The following GREB1 variants were observed in gnomAD, a reference collection of about 807,000 sequenced individuals.
GREB1 encodes the protein growth regulating estrogen receptor binding 1.
GREB1 carries 106 observed loss-of-function variants against 200.7 expected under a neutral mutation model. That is an observed-to-expected ratio of 0.53 (90% confidence interval 0.45 to 0.62). The LOEUF (loss-of-function observed/expected upper bound fraction) is 0.62. Among genes scored for constraint, GREB1 ranks in the 20% least tolerant of loss-of-function variants. The pLI, the probability that GREB1 is intolerant of heterozygous loss-of-function variation, is 0.00. For missense variants in GREB1, 2,243 were observed against 2,556.8 expected, an observed-to-expected ratio of 0.88 and a Z score of 2.65; for synonymous variants, 1,132 against 1,092.4, an observed-to-expected ratio of 1.04 and a Z score of -0.72.
rs70955804 is a variant in GREB1 at position 11,519,449 on chromosome 2, G to GTTTTTTTTTTTT, written c.-158-36996_-158-36985dup. Among the ~76,000 whole-genome samples the GTTTTTTTTTTTT allele has an allele frequency of 3.9e-5, 3 of 76,974 alleles. 1 individual carries two copies. The highest frequency in any genetic ancestry group is 1.6e-4 in the African/African-American group (3 of 18,446). 50.5% of individuals were successfully genotyped at this position (76,974 alleles called of 152,430 possible). ...TCACATCTTATGATTACTTGTTTTG[G>GTTTTTTTTTTTT]TTTTTTTTTTTTTTTTTTTTTTTGA... On this transcript the variant is annotated intron_variant, in intron 1 of 2. Coordinates refer to the GREB1 transcript ENST00000628795.
rs146509728 is a variant in GREB1 at position 11,575,473 on chromosome 2, G to A, written c.455-880G>A. Reference sequence around the variant, plus strand: ...GAGGTGGTTTGGTTGTTGCCACTGCGTAGGAAGCCTGCTTAGAGTCTCACA... The same window carrying A: ...GAGGTGGTTTGGTTGTTGCCACTGCATAGGAAGCCTGCTTAGAGTCTCACA... On this transcript the variant is annotated intron_variant, in intron 4 of 32. Transcript: ENST00000381486. Among the ~76,000 whole-genome samples, 10 of 152,288 alleles carry A rather than the reference G, an allele frequency of 6.6e-5. No individual in the cohort carries two copies. The East Asian group carries it at 9.6e-4, about 15-fold the overall frequency.
chr2:11,597,731 G>C lies in GREB1; in HGVS notation c.1955-50G>C. On this transcript the variant is annotated intron_variant, in intron 13 of 32. Coordinates refer to ENST00000381486, the MANE Select transcript of GREB1 (RefSeq NM_014668.4). The surrounding 1 kb of genome is among the most constrained non-coding windows in gnomAD (Gnocchi z 4.1). Reference sequence around the variant, plus strand: ...TGATTCTCTGGCCAAGGGCCTGGCAGTAGCCGTGTGCCCTGGAGCTCACCT... The same window carrying C: ...TGATTCTCTGGCCAAGGGCCTGGCACTAGCCGTGTGCCCTGGAGCTCACCT... The C allele has an allele frequency of 6.5e-7, 1 of 1,548,692 alleles. No homozygotes were observed. Among genetic ancestry groups the C allele is most frequent in the Non-Finnish European group, 8.9e-7 (1 of 1,121,590 alleles).
chr2:11,639,702 AGGCCTT>A (rs1350922628), intron 32 of GREB1, among the ~76,000 whole-genome samples: 2 of 152,220 alleles, frequency 1.3e-5, no homozygotes, highest in East Asian at 3.8e-4. Flanking sequence ...GCAGCATCTA[AGGCCTT>A]GGGAAAGATC....
chr2:11,530,584 A>C (rs1674038154), upstream of GREB1, among the ~76,000 whole-genome samples: 1 of 151,678 alleles, frequency 6.6e-6, no homozygotes, highest in Non-Finnish European at 1.5e-5. Context: ...AAAAAAAAAA[A>C]AATTAAGTTA....
At chr2:11,527,678 G>T (rs1673935176) in intron 1 of GREB1, among the ~76,000 whole-genome samples, 1 of 152,302 alleles carries the variant, frequency 6.6e-6, no homozygotes, top group African/African-American at 2.4e-5. Flanking sequence ...AGGCAGCCAG[G>T]CACTGCCTAG....
intron 1 of GREB1, among the ~76,000 whole-genome samples, chr2:11,523,315 C>T (rs751453792): frequency 1.3e-4 from 20 of 151,926 alleles, no homozygotes; most frequent in Non-Finnish European, 2.8e-4. Context: ...ACAATCTGTG[C>T]AAAACCCCCC....
rs1488612712 is a variant in GREB1, at chr2:11,640,623, G to A, written c.*169G>A. ...GGCCCCCGAGGCCGTGGTCCTGGGA[G>A]CCAGGAAGACTCCGCAGTGGGTGAG... is the stretch of plus-strand genomic sequence containing the variant. On this transcript the variant is annotated 3_prime_UTR_variant, in exon 33 of 33. Coordinates refer to ENST00000381486, the MANE Select transcript of GREB1 (RefSeq NM_014668.4). This position sits in a 1 kb window ranked among gnomAD's most constrained non-coding sequence, Gnocchi z 4.6. 5.7e-6 allele frequency: 4 copies of A among 703,328 alleles called. No individual in the cohort carries two copies. In the Admixed American group the frequency reaches 1.2e-4, roughly 21 times the overall value. 43.6% of individuals were successfully genotyped at this position (703,328 alleles called of 1,614,324 possible).
intron 4 of GREB1, among the ~76,000 whole-genome samples, chr2:11,574,437 G>A (rs1678634024): frequency 6.6e-6 from 1 of 152,200 alleles, no homozygotes; most frequent in African/African-American, 2.4e-5. Flanking sequence ...TTGAGTGAGG[G>A]CTGGAGGTGT....
chr2:11,601,438 A>T (rs1443099092), intron 16 of GREB1, among the ~76,000 whole-genome samples: 1 of 152,164 alleles, frequency 6.6e-6, no homozygotes, highest in Non-Finnish European at 1.5e-5. Context: ...CCTTCCTCAA[A>T]CTGAACACAT....
chr2:11,609,162 T>G (rs1682677827), intron 17 of GREB1, among the ~76,000 whole-genome samples: 1 of 152,238 alleles, frequency 6.6e-6, no homozygotes, highest in Admixed American at 6.5e-5. Context: ...CTCCATCTTG[T>G]CAGAAGCAGA....
intron 3 of GREB1, among the ~76,000 whole-genome samples, chr2:11,563,748 T>C (rs551232986): frequency 2.0e-5 from 3 of 152,354 alleles, no homozygotes. Context: ...TCAGGCATTG[T>C]GCTCAGTCCT....
At chr2:11,618,252 T>TC (rs1683662932) in intron 21 of GREB1, 36 bp from the exon 22 acceptor site, 1 of 1,086,270 alleles carries the variant, frequency 9.2e-7, no homozygotes, top group African/African-American at 3.0e-5. Flanking sequence ...ACAGGTACCT[T>TC]CTAGGACGTC....
chr2:11,487,960 A>G (rs776354017), intron 1 of GREB1, among the ~76,000 whole-genome samples: 2 of 152,068 alleles, frequency 1.3e-5, no homozygotes, highest in Non-Finnish European at 2.9e-5. Context: ...TACCATACTT[A>G]TTTAGTTTTG....
Position 11,600,863 on chromosome 2 carries a change from C to G in GREB1, c.2397C>G (p.Leu799=). ...CGGTGGGATTGGTGGACCGATTGCT[C>G]AACTGCAGGGAGGTGAAGGAGGCCC... ...DPSVGLVDRL[L]NCREVKEAPN... The change falls in exon 16 of 33, where the codon CTC becomes CTG. Residue 799 remains leucine (L), a synonymous_variant. Transcript: ENST00000381486. The G allele has an allele frequency of 6.2e-7, 1 of 1,614,146 alleles. No individual in the cohort carries two copies. The highest frequency in any genetic ancestry group is 8.5e-7 in the Non-Finnish European group (1 of 1,179,994).
Position 11,600,882 on chromosome 2 carries a change from G to A in GREB1, c.2416G>A (p.Glu806Lys). The change falls in exon 16 of 33, where the codon GAG (glutamate) becomes AAG (lysine). Residue 806 changes from glutamate to lysine, a missense_variant. By Grantham distance (56) the Glu-to-Lys change is moderately conservative. Around this residue, in one of 3 missense-constraint regions of GREB1, gnomAD observed 1,178 missense variants for 1,387.4 expected, o/e 0.85. Coordinates refer to ENST00000381486, the MANE Select transcript of GREB1 (RefSeq NM_014668.4). ...DRLLNCREVKEAPNIVTLHVT... is the reference protein window; with the variant it reads ...DRLLNCREVKKAPNIVTLHVT... ...ATTGCTCAACTGCAGGGAGGTGAAG[G>A]AGGCCCCCAACATTGTGACACTTCA... 6.2e-7 allele frequency: 1 copy of A among 1,614,108 alleles called. No homozygotes were observed.
At position 11,494,975 on chromosome 2, in the gene GREB1, G is replaced by T. The variant is rs554953839; in HGVS notation, c.-159+12594G>T. Among the ~76,000 whole-genome samples the T allele has an allele frequency of 5.9e-4, 90 of 152,258 alleles. 1 individual carries two copies. The highest frequency in any genetic ancestry group is 2.1e-3 in the African/African-American group (89 of 41,554). On this transcript the variant is annotated intron_variant, in intron 1 of 2. Transcript: ENST00000628795. ...CCGTTGGTGGTGTTCAGTTTTCATG[G>T]CTCTCCACATCTCCTGCTCTGTTCC...
intron 9 of GREB1, chr2:11,587,713 A>G: frequency 8.5e-7 from 1 of 1,171,418 alleles, no homozygotes; most frequent in Non-Finnish European, 1.1e-6. Flanking sequence ...ACACACACAC[A>G]CACACACACA....
Position 11,494,487 on chromosome 2 carries a change from T to C in GREB1, c.-159+12106T>C, listed in dbSNP as rs1165473774. Among the ~76,000 whole-genome samples, 5 of 152,378 alleles carry C rather than the reference T, an allele frequency of 3.3e-5. No individual in the cohort carries two copies. The East Asian group carries it at 9.6e-4, about 29-fold the overall frequency. On this transcript the variant is annotated intron_variant, in intron 1 of 2. Coordinates refer to the GREB1 transcript ENST00000628795. ...TGAGAAGCATTGCTGTGGACACTGC[T>C]CTAGAGTTGTTCTCGTAAGAGACTG... is the stretch of plus-strand genomic sequence containing the variant.
intron 10 of GREB1, among the ~76,000 whole-genome samples, chr2:11,589,937 T>A (rs1365163631): frequency 2.0e-5 from 3 of 152,126 alleles, no homozygotes; most frequent in Non-Finnish European, 4.4e-5. Flanking sequence ...TTCATTTGCA[T>A]GGACAGGCCT....
Sources: allele counts gnomAD v4.1 joint callset (sites outside exome capture counted in the v4.1 genomes callset), GRCh38; gene constraint gnomAD v4.1.1; regional missense constraint gnomAD v4.1.1; non-coding constraint Gnocchi (gnomAD v3.1); transcripts MANE v1.5; gene names NCBI Gene and HGNC (gene_info 2026-07-23, HGNC 2026-07-21).